The following MAPKAP1 variants were observed in gnomAD, a reference collection of about 807,000 sequenced individuals.
MAPKAP1 encodes the protein MAPK associated protein 1.
In MAPKAP1, 20 loss-of-function variants were observed where a neutral mutation model predicts 65.7. The ratio of observed to expected loss-of-function variants is 0.30; its 90% confidence interval spans 0.21 to 0.44. MAPKAP1 has a LOEUF of 0.44. Among genes scored for constraint, MAPKAP1 ranks in the 20% least tolerant of loss-of-function variants. MAPKAP1 has a pLI of 1.00. For missense variants in MAPKAP1, 423 were observed against 648.0 expected (o/e 0.65, Z 3.77); for synonymous variants, 222 against 244.3 (o/e 0.91, Z 0.85).
chr9:125,471,440 A>G lies in MAPKAP1; in HGVS notation c.1208-3331T>C, dbSNP rs538711471. 2.0e-5 allele frequency: 3 copies of G among 153,042 alleles called. No individual in the cohort carries two copies. The South Asian group carries it at 6.2e-4, about 32-fold the overall frequency. 9.5% of individuals were successfully genotyped at this position (153,042 alleles called of 1,614,324 possible). ...GCTGGGGTGCAGTGGGGATGAGCAT[A>G]TTAAAGACAAAAGAGTTAGGAGTAG... On this transcript the variant is annotated intron_variant, in intron 9 of 11. Transcript: ENST00000265960.
At chr9:125,467,943 A>G in intron 10 of MAPKAP1, 29 bp downstream of exon 10, 3 of 1,610,682 alleles carry the variant, frequency 1.9e-6, no homozygotes, top group Non-Finnish European at 1.7e-6. Context: ...AAAGAGAGAA[A>G]GGAGACATAA....
At chr9:125,624,440 G>T (rs1236420750) in intron 4 of MAPKAP1, among the ~76,000 whole-genome samples, 1 of 113,830 alleles carries the variant, frequency 8.8e-6, no homozygotes, top group Non-Finnish European at 1.9e-5. Flanking sequence ...GGTGGGGGGG[G>T]TCAGCCCCCA....
Position 125,474,832 on chromosome 9 carries a change from C to T in MAPKAP1, c.1208-6723G>A, listed in dbSNP as rs142594956. On this transcript the variant is annotated intron_variant, in intron 9 of 11. Coordinates refer to ENST00000265960, the MANE Select transcript of MAPKAP1 (RefSeq NM_001006617.3). ...GCTTTGAATCTAAGGCTACAAAAGT[C>T]CCACTGCTGTTAAATCCTGGAGCAG... Among the ~76,000 whole-genome samples the T allele has an allele frequency of 2.9e-3, 441 of 152,284 alleles. 6 individuals are homozygous for T. The highest frequency in any genetic ancestry group is 0.01 in the African/African-American group (422 of 41,566).
intron 1 of MAPKAP1, among the ~76,000 whole-genome samples, chr9:125,673,659 C>T (rs1834559743): frequency 6.6e-6 from 1 of 152,174 alleles, no homozygotes; most frequent in Admixed American, 6.5e-5. Flanking sequence ...GTGATTCACA[C>T]CTGTACTCTC....
Position 125,640,339 on chromosome 9 carries a change from G to C in MAPKAP1, c.498+17312C>G, listed in dbSNP as rs577990411. Among the ~76,000 whole-genome samples, 8 of 151,908 alleles carry C rather than the reference G, an allele frequency of 5.3e-5. No individual in the cohort carries two copies. In the South Asian group the frequency reaches 1.7e-3, roughly 32 times the overall value. On this transcript the variant is annotated intron_variant, in intron 4 of 11. Coordinates refer to ENST00000265960, the MANE Select transcript of MAPKAP1 (RefSeq NM_001006617.3). ...AGGATGGTCTCGATCTTCTGACCTC[G>C]TGATCCGCCCGCCTCGGCCTCCCAA...
intron 4 of MAPKAP1, among the ~76,000 whole-genome samples, chr9:125,615,209 CTATA>C (rs569946098): frequency 6.6e-6 from 1 of 151,002 alleles, no homozygotes; most frequent in Non-Finnish European, 1.5e-5. Context: ...CAATGACAAA[CTATA>C]TATATATATG....
At chr9:125,591,017 G>A (rs1432344757) in intron 4 of MAPKAP1, among the ~76,000 whole-genome samples, 3 of 152,022 alleles carry the variant, frequency 2.0e-5, no homozygotes, top group Admixed American at 6.6e-5. Flanking sequence ...CAAGTGATCC[G>A]CCCACCTCGG....
At chr9:125,568,500 C>A (rs932105781) in intron 5 of MAPKAP1, among the ~76,000 whole-genome samples, 8 of 152,188 alleles carry the variant, frequency 5.3e-5, no homozygotes, top group African/African-American at 1.9e-4. Context: ...ACCTTCCCCA[C>A]CCTGCCACAG....
intron 10 of MAPKAP1, among the ~76,000 whole-genome samples, chr9:125,464,067 A>C (rs966219130): frequency 6.6e-6 from 1 of 152,096 alleles, no homozygotes; most frequent in Non-Finnish European, 1.5e-5. Flanking sequence ...CACAGCATTC[A>C]AAGCCTGTGT....
chr9:125,698,300 T>TATATATAAA (rs1835474707), intron 1 of MAPKAP1, among the ~76,000 whole-genome samples: 11 of 16,150 alleles, frequency 6.8e-4, no homozygotes, highest in African/African-American at 2.6e-3. Flanking sequence ...TATATATATA[T>TATATATAAA]ATATATATAT....
intron 7 of MAPKAP1, among the ~76,000 whole-genome samples, chr9:125,536,694 A>T (rs1564547111): frequency 6.6e-6 from 1 of 152,218 alleles, no homozygotes; most frequent in Non-Finnish European, 1.5e-5. Flanking sequence ...TTGATAGAAG[A>T]AAGAATACTG....
At chr9:125,453,359 C>T (rs555329136) in intron 10 of MAPKAP1, among the ~76,000 whole-genome samples, 1 of 152,264 alleles carries the variant, frequency 6.6e-6, no homozygotes, top group Non-Finnish European at 1.5e-5. Flanking sequence ...AGCCTCCGTA[C>T]CAGCCTATTT....
chr9:125,612,158 C>T (rs528323859), intron 4 of MAPKAP1, among the ~76,000 whole-genome samples: 1 of 152,244 alleles, frequency 6.6e-6, no homozygotes, highest in African/African-American at 2.4e-5. Context: ...TACTTATAAG[C>T]GCTCAAAAAG....
rs532275822 is a variant in MAPKAP1 at position 125,611,219 on chromosome 9, G to A, written c.499-25492C>T. ...TACTAATAAAATTACTACACTTTTC[G>A]TAATAGTTTTTTAAATTACCAAGCA... On this transcript the variant is annotated intron_variant, in intron 4 of 11. Transcript: ENST00000265960. Among the ~76,000 whole-genome samples, 324 of 152,216 alleles carry A rather than the reference G, an allele frequency of 2.1e-3. 1 individual carries two copies. The highest frequency in any genetic ancestry group is 7.5e-3 in the African/African-American group (312 of 41,538).
chr9:125,693,832 TATATATACACAC>T (rs1835299192), intron 1 of MAPKAP1, among the ~76,000 whole-genome samples: 9 of 80,866 alleles, frequency 1.1e-4, no homozygotes, highest in South Asian at 3.5e-4. Context: ...CACACACACA[TATATATACACAC>T]ATACACACAC....
chr9:125,483,558 T>C (rs1443312972), intron 9 of MAPKAP1, among the ~76,000 whole-genome samples: 1 of 152,078 alleles, frequency 6.6e-6, no homozygotes, highest in Non-Finnish European at 1.5e-5. Context: ...AGAGACAGGG[T>C]GCAGCTCAGC....
intron 5 of MAPKAP1, among the ~76,000 whole-genome samples, chr9:125,581,534 G>A (rs1053955001): frequency 1.3e-5 from 2 of 152,108 alleles, no homozygotes; most frequent in Admixed American, 1.3e-4. Flanking sequence ...CTGATCAACC[G>A]TCTAAACTTT....
chr9:125,704,398 C>T (rs904208831), intron 1 of MAPKAP1, among the ~76,000 whole-genome samples: 1 of 152,160 alleles, frequency 6.6e-6, no homozygotes, highest in Non-Finnish European at 1.5e-5. Context: ...ATCAGTGTTT[C>T]CTTCTCAGTG....
At chr9:125,548,238 G>C (rs1250724472) in intron 6 of MAPKAP1, among the ~76,000 whole-genome samples, 2 of 152,228 alleles carry the variant, frequency 1.3e-5, no homozygotes, top group East Asian at 1.9e-4. Context: ...AAGCTGCACA[G>C]TCCAGTGGGA....
Sources: gnomAD v4.1 joint callset for allele counts (sites outside exome capture counted in the v4.1 genomes callset) on GRCh38, gnomAD v4.1.1 for gene constraint, MANE v1.5 for transcripts, NCBI Gene and HGNC (gene_info 2026-07-23, HGNC 2026-07-21) for gene names.